Variants in CPNE7 observed in about 807,000 individuals in gnomAD.
CPNE7 encodes the protein copine-7.
A neutral mutation model predicts 66.5 loss-of-function variants in CPNE7; 78 were observed. That is an observed-to-expected ratio of 1.17 (90% CI 0.98 to 1.42). CPNE7 has a LOEUF of 1.42. Ranked by LOEUF, CPNE7 falls within the 40% of genes most tolerant of loss-of-function variation. The pLI, the probability that CPNE7 is intolerant of heterozygous loss-of-function variation, is 0.00. For synonymous variants in CPNE7, 468 were observed against 336.7 expected (o/e 1.39, Z -4.27); for missense variants, 1,012 against 776.6 (o/e 1.30, Z -3.60).
Position 89,589,905 on chromosome 16 carries a change from G to A in CPNE7, c.1070G>A (p.Arg357Lys), listed in dbSNP as rs766807926. The A allele has an allele frequency of 2.5e-6, 4 of 1,613,670 alleles. No individual in the cohort carries two copies. Among genetic ancestry groups the A allele is most frequent in the African/African-American group, 1.3e-5 (1 of 74,942 alleles). Residue 357 changes from arginine (R) to lysine (K), a missense_variant, in exon 11 of 15, where the codon AGG becomes AAG. Coordinates refer to ENST00000319518, the MANE Select transcript of CPNE7 (RefSeq NM_153636.3). ...EICQDYDSDK[R>K]FSALGFGARI... Reference sequence around the variant, plus strand: ...TCCTGCCTCTCTTCCAGTGACAAGAGGTTTTCCGCTTTGGGGTTTGGAGCC... The same window carrying A: ...TCCTGCCTCTCTTCCAGTGACAAGAAGTTTTCCGCTTTGGGGTTTGGAGCC...
chr16:89,585,632 T>A (rs1249813946), intron 6 of CPNE7, 55 bp from the exon 7 acceptor site: 1 of 1,435,218 alleles, frequency 7.0e-7, no homozygotes, highest in Middle Eastern at 1.8e-4. Context: ...TGGGCTCGGG[T>A]GGGAGGGTCC....
At position 89,586,557 on chromosome 16, in the gene CPNE7, C is replaced by A. The variant is rs558363243; in HGVS notation, c.781-113C>A. On this transcript the variant is annotated intron_variant, in intron 7 of 14. Coordinates refer to ENST00000319518, the MANE Select transcript of CPNE7 (RefSeq NM_153636.3). ...CCCTGCAGCAGTGCCCTCCCCTCCCCTCCCCACCACGGGGCCCTCTGCCGT... is the reference window on the plus strand; with the variant it reads ...CCCTGCAGCAGTGCCCTCCCCTCCCATCCCCACCACGGGGCCCTCTGCCGT... 4.2e-3 allele frequency: 3,399 copies of A among 811,484 alleles called. 16 individuals carry two copies. The highest frequency in any genetic ancestry group is 6.0e-3 in the Non-Finnish European group (2,915 of 485,840). The allele number at this position is 811,484 out of a possible 1,614,324, so 50.3% of individuals were successfully genotyped here.
chr16:89,595,596 T>C lies in CPNE7; in HGVS notation c.1532T>C (p.Leu511Pro). ...GTACAGTTCGTGCCCTTCCGGGAGC[T>C]CAAGAACGTGAGTGTCCTGGAGGGG... The part of the protein sequence containing the change: ...DIVQFVPFRE[L>P]KNASPAALAK... Residue 511 changes from leucine (L) to proline (P), a missense_variant, in exon 14 of 15, where the codon CTC becomes CCC. Coordinates refer to ENST00000319518, the MANE Select transcript of CPNE7 (RefSeq NM_153636.3). 6.2e-7 allele frequency: 1 copy of C among 1,601,660 alleles called. No homozygotes were observed. Among genetic ancestry groups the C allele is most frequent in the Non-Finnish European group, 8.5e-7 (1 of 1,171,604 alleles).
At position 89,590,987 on chromosome 16, in the gene CPNE7, G is replaced by T; in HGVS notation, c.1117-20G>T. ...TGTGTTGCAACGAGCAGCTGACTGA[G>T]CCCTCTTGTTCCCACCCAGGTGTCC... On this transcript the variant is annotated intron_variant, in intron 11 of 14. Coordinates refer to ENST00000319518, the MANE Select transcript of CPNE7 (RefSeq NM_153636.3). The T allele has an allele frequency of 1.2e-6, 2 of 1,613,482 alleles. No homozygotes were observed. The highest frequency in any genetic ancestry group is 8.5e-7 in the Non-Finnish European group (1 of 1,179,822).
At chr16:89,590,162 G>A (rs1056879104) in intron 11 of CPNE7, among the ~76,000 whole-genome samples, 1 of 152,224 alleles carries the variant, frequency 6.6e-6, no homozygotes, top group African/African-American at 2.4e-5. Flanking sequence ...GTGTCTGGAG[G>A]CCAACTCCGT....
At chr16:89,595,003 G>C (rs1018063375) in intron 13 of CPNE7, among the ~76,000 whole-genome samples, 1 of 152,058 alleles carries the variant, frequency 6.6e-6, no homozygotes, top group East Asian at 1.9e-4. Context: ...ACTGGAGCAG[G>C]GTGTGTGGGC....
chr16:89,588,734 C>T lies in CPNE7; in HGVS notation c.987C>T (p.Tyr329=), dbSNP rs532400255. 107 of 1,613,694 alleles carry T rather than the reference C, an allele frequency of 6.6e-5. 2 individuals are homozygous for T. In the South Asian group the frequency reaches 1.1e-3, roughly 16 times the overall value. The change falls in exon 10 of 15, where the codon TAC becomes TAT. Residue 329 remains tyrosine (Y), a synonymous_variant. Transcript: ENST00000319518. ...CGCGGAACAGCTGCTCCCTGCACTA[C>T]ATCAACCCCTACCAGCCGAACGAGT... The part of the protein sequence containing the change: ...GDPRNSCSLH[Y]INPYQPNEYL...
chr16:89,591,438 G>T (rs138280496), intron 13 of CPNE7, among the ~76,000 whole-genome samples, 178 bp downstream of exon 13: 2 of 152,202 alleles, frequency 1.3e-5, no homozygotes. Context: ...CAAAGGTGCA[G>T]GTGTCTCGGG....
Position 89,584,153 on chromosome 16 carries a change from G to A in CPNE7, c.507+51G>A, listed in dbSNP as rs576437673. 4.4e-6 allele frequency: 7 copies of A among 1,573,742 alleles called. No homozygotes were observed. In the Admixed American group the frequency reaches 1.3e-4, roughly 29 times the overall value. On this transcript the variant is annotated intron_variant, in intron 4 of 14. Coordinates refer to ENST00000319518, the MANE Select transcript of CPNE7 (RefSeq NM_153636.3). This position sits in a 1 kb window ranked among gnomAD's most constrained non-coding sequence, Gnocchi z 6.0. ...GGCTCAGGCTGAGGTCCGGGAACCG[G>A]TTCGAAAACCCGGTCCCTGCCCAGC...
In CPNE7 at chr16:89,575,846, CGCGGGCAGCGGCCCCTCAGT is replaced by C; in HGVS notation, c.-48_-29del. On this transcript the variant is annotated 5_prime_UTR_variant, in exon 1 of 15. Transcript: ENST00000319518. ...CCCGGGCGCCGCGGCGGCGCCGACT[CGCGGGCAGCGGCCCCTCAGT>C]GCGCCCAGCCGGGCCCCCGAACGCC... 2 of 1,153,756 alleles carry C rather than the reference CGCGGGCAGCGGCCCCTCAGT, an allele frequency of 1.7e-6. No individual in the cohort carries two copies. The highest frequency in any genetic ancestry group is 2.1e-6 in the Non-Finnish European group (2 of 937,004). 71.5% of individuals were successfully genotyped at this position (1,153,756 alleles called of 1,614,324 possible). A position where few individuals can be genotyped will look rare whatever the true frequency, so the allele number is the denominator to read the frequency against.
At chr16:89,595,841 C>T (rs1371487675) in intron 14 of CPNE7, 1 of 660,070 alleles carries the variant, frequency 1.5e-6, no homozygotes, top group East Asian at 2.9e-5. Flanking sequence ...CAGAGAACAG[C>T]ACAAGGGGCT....
chr16:89,595,756 C>A, intron 14 of CPNE7, 153 bp downstream of exon 14: 1 of 773,212 alleles, frequency 1.3e-6, no homozygotes. Context: ...CAGTCAAGAG[C>A]AGTATCTGAA....
intron 9 of CPNE7, among the ~76,000 whole-genome samples, chr16:89,588,339 G>A (rs530551127): frequency 6.6e-6 from 1 of 152,256 alleles, no homozygotes; most frequent in African/African-American, 2.4e-5. Context: ...GGGGGACCCA[G>A]ACCAGGCTTG....
At position 89,595,613 on chromosome 16, in the gene CPNE7, C is replaced by G. The variant is rs767544651; in HGVS notation, c.1539+10C>G. 4.4e-6 allele frequency: 7 copies of G among 1,593,016 alleles called. No individual in the cohort carries two copies. The Admixed American group carries it at 1.2e-4, about 27-fold the overall frequency. ...CCGGGAGCTCAAGAACGTGAGTGTC[C>G]TGGAGGGGCTCCGTCAAGGCCGGCT... On this transcript the variant is annotated intron_variant, in intron 14 of 14. Coordinates refer to ENST00000319518, the MANE Select transcript of CPNE7 (RefSeq NM_153636.3).
chr16:89,590,372 A>G (rs781529190), intron 11 of CPNE7, among the ~76,000 whole-genome samples: 2 of 152,006 alleles, frequency 1.3e-5, no homozygotes, highest in Non-Finnish European at 2.9e-5. Context: ...CAAAAATACA[A>G]AAATTAGCTG....
intron 11 of CPNE7, among the ~76,000 whole-genome samples, chr16:89,590,493 C>G (rs771564593): frequency 6.6e-6 from 1 of 152,042 alleles, no homozygotes; most frequent in Admixed American, 6.6e-5. Flanking sequence ...CCACTGCAGT[C>G]CAGCCTGGCC....
chr16:89,577,514 G>C (rs1461323159), intron 1 of CPNE7, 25 bp from the exon 2 acceptor site: 2 of 1,549,718 alleles, frequency 1.3e-6, no homozygotes, highest in Admixed American at 3.9e-5. Context: ...TCTGGAGTGG[G>C]GTCGGCTCAC....
chr16:89,580,917 T>G (rs1436120806), intron 2 of CPNE7, among the ~76,000 whole-genome samples: 8 of 91,600 alleles, frequency 8.7e-5, no homozygotes, highest in African/African-American at 3.6e-4. Flanking sequence ...ACCCGTCACA[T>G]GGAACATCTC....
At position 89,577,590 on chromosome 16, in the gene CPNE7, G is replaced by T. The variant is rs1210348446; in HGVS notation, c.226G>T (p.Val76Phe). ...CAGCCTGCATCCCGTGTTCTCCAAG[G>T]TCTTCACGGTGGACTACTACTTCGA... is the stretch of plus-strand genomic sequence containing the variant. ...RSSLHPVFSKVFTVDYYFEEV... is the reference protein window; with the variant it reads ...RSSLHPVFSKFFTVDYYFEEV... Residue 76 changes from valine to phenylalanine, a missense_variant, in exon 2 of 15, where the codon GTC becomes TTC. Physicochemically the swap from Val to Phe is conservative, Grantham distance 50 (BLOSUM62 -1). Transcript: ENST00000319518. 2 of 1,554,976 alleles carry T rather than the reference G, an allele frequency of 1.3e-6. No homozygotes were observed. The highest frequency in any genetic ancestry group is 1.7e-6 in the Non-Finnish European group (2 of 1,148,682).
Sources: allele counts gnomAD v4.1 joint callset (sites outside exome capture counted in the v4.1 genomes callset), GRCh38; gene constraint gnomAD v4.1.1; non-coding constraint Gnocchi (gnomAD v3.1); transcripts MANE v1.5; gene names NCBI Gene and HGNC (gene_info 2026-07-23, HGNC 2026-07-21).